The following FAN1 variants were observed in gnomAD, a reference collection of about 807,000 sequenced individuals.
The protein encoded by FAN1 is FANCD2 and FANCI associated nuclease 1.
Under a neutral mutation model 104.9 loss-of-function variants are expected in FAN1, and 91 were observed. That is an observed-to-expected ratio of 0.87 (90% CI 0.73 to 1.03). The LOEUF is 1.03. Ranked by LOEUF, FAN1 falls within the 50% of genes least tolerant of loss-of-function variation. The pLI, the probability that FAN1 is intolerant of heterozygous loss-of-function variation, is 0.00. For missense variants in FAN1, 1,263 were observed against 1,239.9 expected, an observed-to-expected ratio of 1.02 and a Z score of -0.28; for synonymous variants, 478 against 457.6, an observed-to-expected ratio of 1.04 and a Z score of -0.57.
In FAN1 at chr15:30,941,568, T is replaced by G; in HGVS notation, c.*6T>G. On this transcript the variant is annotated splice_region_variant and 3_prime_UTR_variant, in exon 15 of 15. Transcript: ENST00000362065. ...CCTAAAATGCTTCGTCTGCACAGAT[T>G]CCCTACAGGAGAAAATGGAAATGAG... 6.2e-7 allele frequency: 1 copy of G among 1,601,510 alleles called. No individual in the cohort carries two copies. Among genetic ancestry groups the G allele is most frequent in the African/African-American group, 1.3e-5 (1 of 74,828 alleles).
At position 30,942,454 on chromosome 15, in the gene FAN1, T is replaced by G; in HGVS notation, c.*892T>G. On this transcript the variant is annotated 3_prime_UTR_variant, in exon 15 of 15. Coordinates refer to ENST00000362065, the MANE Select transcript of FAN1 (RefSeq NM_014967.5). Reference sequence around the variant, plus strand: ...TGTCTGATTCTTTGTTCTGTACCTTTCAGTAGTCTGCAAATTTTCTACCAA... The same window carrying G: ...TGTCTGATTCTTTGTTCTGTACCTTGCAGTAGTCTGCAAATTTTCTACCAA... The G allele has an allele frequency of 3.6e-6, 1 of 276,306 alleles. No homozygotes were observed. The allele number at this position is 276,306 out of a possible 1,614,324, so 17.1% of individuals were successfully genotyped here. A position where few individuals can be genotyped will look rare whatever the true frequency, so the allele number is the denominator to read the frequency against.
Position 30,908,194 on chromosome 15 carries a change from A to C in FAN1, c.1311A>C (p.Glu437Asp), listed in dbSNP as rs776377863. The C allele has an allele frequency of 5.6e-6, 9 of 1,611,768 alleles. No homozygotes were observed. The highest frequency in any genetic ancestry group is 1.7e-5 in the Admixed American group (1 of 59,768). ...SWIKMTKLEYEEIALDLTPVI... is the reference protein window; with the variant it reads ...SWIKMTKLEYDEIALDLTPVI... ...TTAAGATGACCAAATTAGAGTATGA[A>C]GAGATTGCCTTAGACTTAACACCTG... is the stretch of plus-strand genomic sequence containing the variant. Residue 437 changes from glutamate to aspartate, a missense_variant, in exon 3 of 15, where the codon GAA (glutamate) becomes GAC (aspartate). Physicochemically the swap from Glu to Asp is conservative, Grantham distance 45. Coordinates refer to ENST00000362065, the MANE Select transcript of FAN1 (RefSeq NM_014967.5).
intron 13 of FAN1, among the ~76,000 whole-genome samples, chr15:30,931,273 C>A (rs896003534): frequency 2.6e-5 from 4 of 152,152 alleles, no homozygotes; most frequent in Non-Finnish European, 5.9e-5. Flanking sequence ...GCCCTGCTGC[C>A]CATCACTGGT....
chr15:30,941,768 A>T lies in FAN1; in HGVS notation c.*206A>T. On this transcript the variant is annotated 3_prime_UTR_variant, in exon 15 of 15. Coordinates refer to ENST00000362065, the MANE Select transcript of FAN1 (RefSeq NM_014967.5). ...ATCAGCCAGGAGGGAGAGCTTGTGA[A>T]AGGCTGTGATGGAGCCACCCAGGCT... The T allele has an allele frequency of 1.2e-6, 2 of 1,613,974 alleles. No individual in the cohort carries two copies. The highest frequency in any genetic ancestry group is 1.7e-6 in the Non-Finnish European group (2 of 1,179,864).
At chr15:30,906,533 T>G in intron 2 of FAN1, 1 of 456,672 alleles carries the variant, frequency 2.2e-6, no homozygotes, top group South Asian at 1.5e-5. Context: ...CCTTGTGTCT[T>G]TACGGTGTTA....
chr15:30,921,033 C>T (rs191178319), intron 7 of FAN1, among the ~76,000 whole-genome samples: 2 of 152,194 alleles, frequency 1.3e-5, no homozygotes, highest in African/African-American at 2.4e-5. Context: ...ATTTGCCCAC[C>T]TTGGCCTCTG....
intron 14 of FAN1, chr15:30,939,570 T>TA (rs1219339178): frequency 8.3e-6 from 8 of 961,420 alleles, no homozygotes; most frequent in Non-Finnish European, 9.9e-6. Flanking sequence ...CATACAAAAA[T>TA]ATGCATTTTT....
chr15:30,935,537 TAAGTA>T (rs1220831178), intron 13 of FAN1, among the ~76,000 whole-genome samples: 1 of 152,180 alleles, frequency 6.6e-6, no homozygotes, highest in Non-Finnish European at 1.5e-5. Context: ...TTAGGTATTA[TAAGTA>T]GAGATGATTT....
intron 10 of FAN1, among the ~76,000 whole-genome samples, chr15:30,926,190 C>T (rs1300187347): frequency 2.0e-5 from 3 of 152,226 alleles, no homozygotes; most frequent in East Asian, 1.9e-4. Flanking sequence ...ATGGAAGGTA[C>T]TGCACAAGCC....
At chr15:30,937,281 G>A (rs1274740497) in intron 14 of FAN1, 22 bp downstream of exon 14, 1 of 1,590,290 alleles carries the variant, frequency 6.3e-7, no homozygotes, top group African/African-American at 1.4e-5. Flanking sequence ...GGGATATTTG[G>A]TCATACATTA....
intron 7 of FAN1, 38 bp downstream of exon 7, chr15:30,920,691 G>A (rs1384900881): frequency 8.1e-7 from 1 of 1,231,442 alleles, no homozygotes. Context: ...CATTACTGAT[G>A]TGATGGCGTT....
At position 30,921,746 on chromosome 15, in the gene FAN1, G is replaced by A. The variant is rs1374276150; in HGVS notation, c.2053-489G>A. ...CAGAAGATTAACAAACAGAATGACCGAACAGTCTGTACATAATCTAGACCA... is the reference window on the plus strand; with the variant it reads ...CAGAAGATTAACAAACAGAATGACCAAACAGTCTGTACATAATCTAGACCA... On this transcript the variant is annotated intron_variant, in intron 7 of 14. Transcript: ENST00000362065. Among the ~76,000 whole-genome samples, 6 of 152,254 alleles carry A rather than the reference G, an allele frequency of 3.9e-5. No homozygotes were observed. In the South Asian group the frequency reaches 6.2e-4, roughly 16 times the overall value.
chr15:30,937,395 A>G (rs2062886331), intron 14 of FAN1, 136 bp downstream of exon 14: 3 of 780,504 alleles, frequency 3.8e-6, no homozygotes, highest in Non-Finnish European at 6.0e-6. Context: ...TGCATATCAC[A>G]AAACAGTGTT....
rs765505383 is a variant in FAN1 at position 30,904,499 on chromosome 15, T to C, written c.-152-13T>C. 22 of 774,688 alleles carry C rather than the reference T, an allele frequency of 2.8e-5. No homozygotes were observed. The highest frequency in any genetic ancestry group is 2.5e-4 in the Admixed American group (13 of 51,100). 48.0% of individuals were successfully genotyped at this position (774,688 alleles called of 1,614,324 possible). A position where few individuals can be genotyped will look rare whatever the true frequency, so the allele number is the denominator to read the frequency against. ...TAAAAATGTTTTTAATTTATATGTGTTTCTTCTTGTAGGAAGAAGAAATTG... is the reference window on the plus strand; with the variant it reads ...TAAAAATGTTTTTAATTTATATGTGCTTCTTCTTGTAGGAAGAAGAAATTG... On this transcript the variant is annotated splice_polypyrimidine_tract_variant and intron_variant, in intron 1 of 14. Coordinates refer to ENST00000362065, the MANE Select transcript of FAN1 (RefSeq NM_014967.5).
At chr15:30,917,158 A>C (rs1400217866) in intron 5 of FAN1, among the ~76,000 whole-genome samples, 1 of 152,150 alleles carries the variant, frequency 6.6e-6, no homozygotes, top group Non-Finnish European at 1.5e-5. Flanking sequence ...GTGGGCGAGA[A>C]GGTGAGGAGT....
chr15:30,926,994 A>G lies in FAN1; in HGVS notation c.2488+1055A>G, dbSNP rs868449682. ...CAAAAATGATTTCACTTATAACACA[A>G]ATGCACAGCATGGACCACTTAGGAG... On this transcript the variant is annotated intron_variant, in intron 10 of 14. Coordinates refer to ENST00000362065, the MANE Select transcript of FAN1 (RefSeq NM_014967.5). The G allele has an allele frequency of 5.1e-6, 5 of 985,278 alleles. No homozygotes were observed. In the South Asian group the frequency reaches 1.4e-4, roughly 28 times the overall value. 61.0% of individuals were successfully genotyped at this position (985,278 alleles called of 1,614,324 possible). A position where few individuals can be genotyped will look rare whatever the true frequency, so the allele number is the denominator to read the frequency against.
At chr15:30,907,490 C>T (rs1218142738) in intron 2 of FAN1, among the ~76,000 whole-genome samples, 1 of 151,934 alleles carries the variant, frequency 6.6e-6, no homozygotes, top group East Asian at 1.9e-4. Context: ...TGCACTCCAG[C>T]CTGGGCAACA....
At chr15:30,938,166 A>G (rs1490839959) in intron 14 of FAN1, among the ~76,000 whole-genome samples, 1 of 151,880 alleles carries the variant, frequency 6.6e-6, no homozygotes, top group Non-Finnish European at 1.5e-5. Flanking sequence ...CCTGGGAGAC[A>G]GAGCGAGACT....
chr15:30,932,221 C>CAAAAAA (rs766829435), intron 13 of FAN1, among the ~76,000 whole-genome samples: 2 of 49,498 alleles, frequency 4.0e-5, no homozygotes, highest in Non-Finnish European at 9.0e-5. Flanking sequence ...GACTCCATCT[C>CAAAAAA]AAAAAAAAAA....
Sources: allele counts gnomAD v4.1 joint callset (sites outside exome capture counted in the v4.1 genomes callset), GRCh38; gene constraint gnomAD v4.1.1; transcripts MANE v1.5; gene names NCBI Gene and HGNC (gene_info 2026-07-23, HGNC 2026-07-21).